The following HERC4 variants were observed in gnomAD, a reference collection of about 807,000 sequenced individuals.
The protein encoded by HERC4 is probable E3 ubiquitin-protein ligase HERC4.
HERC4 carries 28 observed loss-of-function variants against 124.3 expected under a neutral mutation model. The ratio of observed to expected loss-of-function variants is 0.23; its 90% CI spans 0.17 to 0.31. The LOEUF (loss-of-function observed/expected upper bound fraction) is 0.31. Among genes scored for constraint, HERC4 ranks in the 10% least tolerant of loss-of-function variants. The probability of loss-of-function intolerance (pLI) is 1.00; values close to 1 mark genes in which losing one functional copy is unlikely to be tolerated. For missense variants in HERC4, 713 were observed against 1,229.3 expected (o/e 0.58, Z 6.28); for synonymous variants, 407 against 421.5 (o/e 0.97, Z 0.42).
At chr10:67,975,395 T>G (rs958172772) in intron 15 of HERC4, among the ~76,000 whole-genome samples, 4 of 152,148 alleles carry the variant, frequency 2.6e-5, no homozygotes, top group Non-Finnish European at 5.9e-5. Context: ...ATATAACTCA[T>G]GCATTCTATT....
chr10:68,062,161 C>A (rs2041058921), intron 3 of HERC4, among the ~76,000 whole-genome samples: 1 of 152,096 alleles, frequency 6.6e-6, no homozygotes, highest in African/African-American at 2.4e-5. Flanking sequence ...TAGCCCTGAT[C>A]TTTCTCCCCA....
At chr10:68,018,444 T>C (rs1266494977) in intron 8 of HERC4, among the ~76,000 whole-genome samples, 1 of 152,192 alleles carries the variant, frequency 6.6e-6, no homozygotes, top group Non-Finnish European at 1.5e-5. Flanking sequence ...CTGAAAGTTT[T>C]CCCACAGAAA....
At chr10:68,067,454 C>T (rs182140326) in intron 3 of HERC4, among the ~76,000 whole-genome samples, 88 of 152,302 alleles carry the variant, frequency 5.8e-4, no homozygotes, top group African/African-American at 1.6e-3. Context: ...ACGCAATGAG[C>T]TTCTTTGGTT....
intron 23 of HERC4, among the ~76,000 whole-genome samples, chr10:67,926,122 C>T (rs571931235): frequency 3.3e-5 from 5 of 152,296 alleles, no homozygotes; most frequent in Non-Finnish European, 5.9e-5. Context: ...TGGCCGGGCG[C>T]GGTGGCTCAC....
chr10:68,012,436 A>C lies in HERC4; in HGVS notation c.1069+1590T>G, dbSNP rs1220038647. 3.3e-5 allele frequency among the ~76,000 whole-genome samples: 5 copies of C among 152,362 alleles called. No homozygotes were observed. The South Asian group carries it at 6.2e-4, about 19-fold the overall frequency. ...AGATTTTCTTTTCACTTATGTACTT[A>C]GAGGCCACTGTAGGGTTATTAACTG... On this transcript the variant is annotated intron_variant, in intron 9 of 24. Transcript: ENST00000373700.
intron 3 of HERC4, among the ~76,000 whole-genome samples, chr10:68,063,972 G>C (rs531800926): frequency 1.3e-5 from 2 of 151,818 alleles, no homozygotes; most frequent in Non-Finnish European, 2.9e-5. Flanking sequence ...GCTGGGCATG[G>C]TAGCTCATGC....
At position 68,025,528 on chromosome 10, in the gene HERC4, T is replaced by G; in HGVS notation, c.908+18A>C. On this transcript the variant is annotated intron_variant, in intron 8 of 24. Coordinates refer to ENST00000373700, the MANE Select transcript of HERC4 (RefSeq NM_015601.4). Reference sequence around the variant, plus strand: ...CTGCAGTTTAGAGACCAAAATGCTCTTTTACATAACACCTTACCGTCCACA... The same window carrying G: ...CTGCAGTTTAGAGACCAAAATGCTCGTTTACATAACACCTTACCGTCCACA... The G allele has an allele frequency of 6.2e-7, 1 of 1,606,078 alleles. No homozygotes were observed. The highest frequency in any genetic ancestry group is 8.5e-7 in the Non-Finnish European group (1 of 1,175,874).
At chr10:68,011,012 T>C in intron 9 of HERC4, 2 of 680,224 alleles carry the variant, frequency 2.9e-6, no homozygotes, top group Non-Finnish European at 4.9e-6. Context: ...CCCTCAGTCA[T>C]CCATGAAGGT....
intron 16 of HERC4, among the ~76,000 whole-genome samples, chr10:67,964,272 C>T (rs1564969040): frequency 1.3e-5 from 2 of 151,914 alleles, no homozygotes; most frequent in Admixed American, 6.6e-5. Flanking sequence ...AGGTTTCATC[C>T]TCCTCCTCTG....
chr10:67,975,815 T>C (rs2035552231), intron 15 of HERC4, among the ~76,000 whole-genome samples: 1 of 152,208 alleles, frequency 6.6e-6, no homozygotes. Context: ...GCACTTTCAG[T>C]TCTTTTTTTC....
At chr10:68,069,299 C>A (rs2041453827) in intron 3 of HERC4, 2 of 969,828 alleles carry the variant, frequency 2.1e-6, no homozygotes, top group South Asian at 4.8e-5. Context: ...AAAATTGAGA[C>A]ATTAGCTTAA....
chr10:67,924,559 C>T (rs1178789533), intron 24 of HERC4, among the ~76,000 whole-genome samples: 2 of 152,254 alleles, frequency 1.3e-5, no homozygotes, highest in South Asian at 4.1e-4. Flanking sequence ...TCTTACAGGA[C>T]CACTATCGTA....
intron 9 of HERC4, among the ~76,000 whole-genome samples, chr10:67,996,410 T>C (rs2132855697): frequency 6.6e-6 from 1 of 152,296 alleles, no homozygotes; most frequent in South Asian, 2.1e-4. Context: ...ATTCTGTAAA[T>C]TGTAATTCTA....
chr10:67,996,452 T>A (rs1244625381), intron 9 of HERC4, among the ~76,000 whole-genome samples: 1 of 152,144 alleles, frequency 6.6e-6, no homozygotes, highest in African/African-American at 2.4e-5. Flanking sequence ...GAGCTACAAC[T>A]GTGTATGTGC....
At position 68,061,879 on chromosome 10, in the gene HERC4, TAAA is replaced by T. The variant is rs71470503; in HGVS notation, c.226+11001_226+11003del. 4.1e-3 allele frequency among the ~76,000 whole-genome samples: 226 copies of T among 54,870 alleles called. 2 individuals carry two copies. Among genetic ancestry groups the T allele is most frequent in the African/African-American group, 0.017 (208 of 12,092 alleles). The allele number at this position is 54,870 out of a possible 152,430, so 36.0% of individuals were successfully genotyped here. The stretch of plus-strand genomic sequence containing the variant: ...CTGGGTGACAGAGCGAGACTCCATT[TAAA>T]AAAAAAAAAAAAAAAAAAAAAAAAA... On this transcript the variant is annotated intron_variant, in intron 3 of 24. Transcript: ENST00000373700.
intron 9 of HERC4, chr10:68,010,237 G>A (rs545432392): frequency 3.8e-6 from 4 of 1,056,530 alleles, no homozygotes; most frequent in East Asian, 2.9e-5. Context: ...CCAGAGTGGC[G>A]ACAGAAACAG....
intron 3 of HERC4, among the ~76,000 whole-genome samples, chr10:68,058,456 T>C (rs549847000): frequency 2.6e-5 from 4 of 152,312 alleles, no homozygotes; most frequent in East Asian, 3.9e-4. Flanking sequence ...TAGGCAAATA[T>C]GAAACAGCAT....
Position 68,059,830 on chromosome 10 carries a change from T to TATTATAATATTATATATCATAATAC in HERC4, c.226+13052_226+13053insGTATTATGATATATAATATTATAAT, listed in dbSNP as rs2040875213. Among the ~76,000 whole-genome samples, 4 of 50,872 alleles carry TATTATAATATTATATATCATAATAC rather than the reference T, an allele frequency of 7.9e-5. 1 individual carries two copies. In the African/African-American group the frequency reaches 8.8e-4, roughly 11 times the overall value. 33.4% of individuals were successfully genotyped at this position (50,872 alleles called of 152,430 possible). On this transcript the variant is annotated intron_variant, in intron 3 of 24. Transcript: ENST00000373700. ...TATTATAATATTATATATCATAATA[T>TATTATAATATTATATATCATAATAC]TATATATTATAATATATTATATATC...
chr10:67,930,124 T>A (rs1327183207), intron 23 of HERC4, among the ~76,000 whole-genome samples: 1 of 152,168 alleles, frequency 6.6e-6, no homozygotes, highest in Non-Finnish European at 1.5e-5. Flanking sequence ...CATTTCCTTT[T>A]AACACTTAGT....
Sources: gnomAD v4.1 joint callset for allele counts (sites outside exome capture counted in the v4.1 genomes callset) on GRCh38, gnomAD v4.1.1 for gene constraint, MANE v1.5 for transcripts, NCBI Gene and HGNC (gene_info 2026-07-23, HGNC 2026-07-21) for gene names.